The following ATL3 variants were observed in gnomAD, a reference collection of about 807,000 sequenced individuals.
The protein encoded by ATL3 is atlastin-3.
ATL3 carries 49 observed loss-of-function variants against 69.5 expected under a neutral mutation model. That is an observed-to-expected ratio of 0.71 (90% CI 0.56 to 0.89). The LOEUF (loss-of-function observed/expected upper bound fraction) is 0.89, where lower values mean the gene tolerates loss of function less well. ATL3 is among the 40% of genes least tolerant of loss of function. The pLI, the probability that ATL3 is intolerant of heterozygous loss-of-function variation, is 0.00. For synonymous variants in ATL3, 214 were observed against 224.1 expected (o/e 0.95, Z 0.40); for missense variants, 606 against 645.7 (o/e 0.94, Z 0.67).
intron 1 of ATL3, among the ~76,000 whole-genome samples, chr11:63,669,877 G>A (rs150957360): frequency 1.3e-5 from 2 of 152,176 alleles, no homozygotes; most frequent in African/African-American, 4.8e-5. Flanking sequence ...GAACCCAGGA[G>A]GCGGAGGGTG....
chr11:63,629,235 C>T lies in ATL3; in HGVS notation c.*84G>A, dbSNP rs1380638692. On this transcript the variant is annotated 3_prime_UTR_variant, in exon 13 of 13. Coordinates refer to ENST00000398868, the MANE Select transcript of ATL3 (RefSeq NM_015459.5). ...GGATCGTCTCAGATCTGCCATTCCT[C>T]TGGATATGAACCTGTGGCCGTGGCA... 1 of 1,109,032 alleles carries T rather than the reference C, an allele frequency of 9.0e-7. No homozygotes were observed. Among genetic ancestry groups the T allele is most frequent in the Non-Finnish European group, 1.4e-6 (1 of 727,028 alleles). The allele number at this position is 1,109,032 out of a possible 1,614,324, so 68.7% of individuals were successfully genotyped here.
chr11:63,643,566 A>T, intron 7 of ATL3, 71 bp from the exon 8 acceptor site: 1 of 1,424,412 alleles, frequency 7.0e-7, no homozygotes, highest in Non-Finnish European at 9.5e-7. Context: ...AACTAGTATA[A>T]GGACAAAGGA....
chr11:63,629,969 A>T (rs371217577), intron 12 of ATL3, among the ~76,000 whole-genome samples: 3 of 152,234 alleles, frequency 2.0e-5, no homozygotes, highest in Admixed American at 6.5e-5. Context: ...AAAAGATACC[A>T]TCCCTTTCCT....
rs535515111 is a variant in ATL3 at position 63,663,912 on chromosome 11, G to A, written c.47-4660C>T. On this transcript the variant is annotated intron_variant, in intron 1 of 12. Coordinates refer to ENST00000398868, the MANE Select transcript of ATL3 (RefSeq NM_015459.5). ...AAATTCTGAACAATGGGAAGTGACT[G>A]GAAATAACAGACACAACTTCCAGAT... 2.6e-5 allele frequency among the ~76,000 whole-genome samples: 4 copies of A among 152,270 alleles called. No homozygotes were observed. In the South Asian group the frequency reaches 6.2e-4, roughly 24 times the overall value.
chr11:63,665,972 A>G (rs1331791695), intron 1 of ATL3, among the ~76,000 whole-genome samples: 1 of 152,092 alleles, frequency 6.6e-6, no homozygotes, highest in African/African-American at 2.4e-5. Flanking sequence ...AGTTAAATGG[A>G]GCTGCTTATA....
At chr11:63,668,991 CTTT>C (rs1030555719) in intron 1 of ATL3, among the ~76,000 whole-genome samples, 1 of 121,870 alleles carries the variant, frequency 8.2e-6, no homozygotes. Context: ...CGTTGGCTAA[CTTT>C]TTTTTAATTT....
At chr11:63,644,082 A>T in intron 7 of ATL3, 87 bp downstream of exon 7, 1 of 827,154 alleles carries the variant, frequency 1.2e-6, no homozygotes, top group Non-Finnish European at 2.0e-6. Context: ...CATTTTCAAT[A>T]ATTGCTTTAA....
intron 1 of ATL3, among the ~76,000 whole-genome samples, chr11:63,667,500 G>A (rs539935886): frequency 4.6e-5 from 7 of 152,090 alleles, no homozygotes; most frequent in South Asian, 2.1e-4. Flanking sequence ...AATGGCTCAC[G>A]CCTGTAATCC....
At chr11:63,656,741 A>G (rs1341171293) in intron 3 of ATL3, among the ~76,000 whole-genome samples, 1 of 151,892 alleles carries the variant, frequency 6.6e-6, no homozygotes, top group Non-Finnish European at 1.5e-5. Flanking sequence ...CAAAAAAAAA[A>G]AAAAGAAACA....
upstream of ATL3, chr11:63,671,549 GA>G (rs1280869386): frequency 7.0e-7 from 1 of 1,418,726 alleles, no homozygotes; most frequent in Non-Finnish European, 9.2e-7. Flanking sequence ...AGCGCAGGAC[GA>G]GGCTAGGCGA....
intron 12 of ATL3, among the ~76,000 whole-genome samples, chr11:63,629,800 G>A (rs1027767172): frequency 6.6e-6 from 1 of 152,026 alleles, no homozygotes; most frequent in African/African-American, 2.4e-5. Context: ...GAGGTGGGAG[G>A]ATCACTTGAG....
chr11:63,665,218 G>A (rs1032095565), intron 1 of ATL3, among the ~76,000 whole-genome samples: 5 of 152,036 alleles, frequency 3.3e-5, no homozygotes, highest in Non-Finnish European at 7.4e-5. Context: ...GGTGGCACAT[G>A]CCTGTAATCC....
chr11:63,633,980 A>G (rs1939419278), intron 10 of ATL3, among the ~76,000 whole-genome samples: 2 of 146,120 alleles, frequency 1.4e-5, no homozygotes, highest in East Asian at 4.1e-4. Context: ...GGTTGCAGTG[A>G]GCCGAGATCA....
chr11:63,663,626 A>T (rs1176371733), intron 1 of ATL3, among the ~76,000 whole-genome samples: 1 of 152,210 alleles, frequency 6.6e-6, no homozygotes, highest in African/African-American at 2.4e-5. Context: ...TAAATCCAAG[A>T]TCCAAAGACC....
intron 8 of ATL3, among the ~76,000 whole-genome samples, chr11:63,642,480 A>G (rs761534753): frequency 2.6e-5 from 4 of 152,218 alleles, no homozygotes; most frequent in Non-Finnish European, 5.9e-5. Flanking sequence ...AGTAGTAACT[A>G]AACAGTACAT....
chr11:63,671,930 G>A (rs3016865), upstream of ATL3: 32,151 of 230,088 alleles, frequency 0.14, 2,444 homozygotes, highest in African/African-American at 0.17. Context: ...GGGACCACAG[G>A]TGGGCAGAAG....
chr11:63,645,961 T>A (rs1463732338), intron 6 of ATL3, among the ~76,000 whole-genome samples: 1 of 152,016 alleles, frequency 6.6e-6, no homozygotes, highest in African/African-American at 2.4e-5. Flanking sequence ...AGAGACAGGT[T>A]CCATGTTGGC....
intron 6 of ATL3, among the ~76,000 whole-genome samples, chr11:63,645,550 G>GAC (rs1157355063): frequency 1.3e-5 from 2 of 148,922 alleles, no homozygotes; most frequent in African/African-American, 5.0e-5. Context: ...CAGAGAGAGA[G>GAC]AGAGAGAGAG....
rs528608645 is a variant in ATL3, at chr11:63,662,687, C to A, written c.47-3435G>T. 1.2e-4 allele frequency among the ~76,000 whole-genome samples: 18 copies of A among 152,246 alleles called. No individual in the cohort carries two copies. In the South Asian group the frequency reaches 3.5e-3, roughly 30 times the overall value. On this transcript the variant is annotated intron_variant, in intron 1 of 12. Transcript: ENST00000398868. The stretch of plus-strand genomic sequence containing the variant: ...AGAGACAGTGTTTCACCATGTTGCC[C>A]AGGCCCGTCTTGAACTCCTGAGCTC...
Sources: allele counts gnomAD v4.1 joint callset (sites outside exome capture counted in the v4.1 genomes callset), GRCh38; gene constraint gnomAD v4.1.1; transcripts MANE v1.5; gene names NCBI Gene and HGNC (gene_info 2026-07-23, HGNC 2026-07-21).